Variants in GSE1 observed in about 807,000 individuals in gnomAD.
GSE1 encodes Gse1 coiled-coil protein.
A neutral mutation model predicts 112.6 loss-of-function variants in GSE1; 32 were observed. The observed-to-expected ratio is 0.28, with a 90% CI of 0.21 to 0.38. The LOEUF (loss-of-function observed/expected upper bound fraction) is 0.38. Among genes scored for constraint, GSE1 ranks in the 10% least tolerant of loss-of-function variants. The pLI is 1.00. For synonymous variants in GSE1, 1,115 were observed against 735.6 expected (o/e 1.52, Z -8.35); for missense variants, 2,348 against 1,699.2 (o/e 1.38, Z -6.71).
At chr16:85,386,202 T>G (rs907203808) in intron 2 of GSE1, among the ~76,000 whole-genome samples, 2 of 152,184 alleles carry the variant, frequency 1.3e-5, no homozygotes, top group Non-Finnish European at 2.9e-5. Flanking sequence ...GGCTCAGCAT[T>G]GTGGCCAGCA....
intron 1 of GSE1, among the ~76,000 whole-genome samples, chr16:85,286,978 C>T (rs1457509520): frequency 6.6e-6 from 1 of 152,200 alleles, no homozygotes; most frequent in Non-Finnish European, 1.5e-5. Flanking sequence ...GCGTCGGGGG[C>T]CGCGGGCTCC....
intron 1 of GSE1, among the ~76,000 whole-genome samples, chr16:85,243,923 TTGAGACCAG>T (rs1444085208): frequency 2.6e-5 from 4 of 152,144 alleles, no homozygotes; most frequent in African/African-American, 9.7e-5. Flanking sequence ...AGTCAGGAGT[TTGAGACCAG>T]CCTGGCCAAC....
chr16:85,530,407 A>C (rs866867136), intron 2 of GSE1, among the ~76,000 whole-genome samples: 2 of 152,168 alleles, frequency 1.3e-5, no homozygotes, highest in Non-Finnish European at 2.9e-5. Flanking sequence ...GATATAGGAT[A>C]CTTTGGGGAT....
intron 1 of GSE1, among the ~76,000 whole-genome samples, chr16:85,246,835 T>C (rs1252410674): frequency 6.6e-6 from 1 of 152,000 alleles, no homozygotes; most frequent in Non-Finnish European, 1.5e-5. Flanking sequence ...AAGGGGGTGC[T>C]CAGGAAATCA....
At chr16:85,272,095 G>A (rs1335701891) in intron 1 of GSE1, among the ~76,000 whole-genome samples, 6 of 152,252 alleles carry the variant, frequency 3.9e-5, no homozygotes, top group Admixed American at 3.3e-4. Flanking sequence ...CGTATCCTGC[G>A]TTCCCATCAT....
intron 1 of GSE1, among the ~76,000 whole-genome samples, chr16:85,305,196 G>A (rs550502068): frequency 1.8e-4 from 27 of 152,324 alleles, no homozygotes; most frequent in African/African-American, 6.5e-4. Context: ...GAATCACCTG[G>A]AGAGCTCTCC....
At chr16:85,335,966 G>C (rs909238308) in intron 1 of GSE1, among the ~76,000 whole-genome samples, 3 of 152,156 alleles carry the variant, frequency 2.0e-5, no homozygotes, top group Non-Finnish European at 4.4e-5. Flanking sequence ...GCTGGGGCTG[G>C]GGTCCCAGGA....
At chr16:85,251,317 G>A (rs142318539) in intron 1 of GSE1, among the ~76,000 whole-genome samples, 29 of 152,352 alleles carry the variant, frequency 1.9e-4, no homozygotes, top group African/African-American at 7.0e-4. Flanking sequence ...AAGGACTCAT[G>A]TCTGTTTTCT....
chr16:85,356,983 A>T (rs759921883), intron 1 of GSE1, among the ~76,000 whole-genome samples: 1 of 152,118 alleles, frequency 6.6e-6, no homozygotes, highest in Non-Finnish European at 1.5e-5. Flanking sequence ...TGCGGCTGAG[A>T]TGGTTTGCCC....
At chr16:85,415,977 A>G (rs780474433) in intron 2 of GSE1, among the ~76,000 whole-genome samples, 1 of 152,212 alleles carries the variant, frequency 6.6e-6, no homozygotes, top group Non-Finnish European at 1.5e-5. Context: ...GGATACATTA[A>G]ATACACTTTA....
chr16:85,607,585 G>A (rs1257239739), upstream of GSE1, among the ~76,000 whole-genome samples: 3 of 152,216 alleles, frequency 2.0e-5, 1 homozygote, highest in African/African-American at 4.8e-5. Context: ...GGAGTTAGCC[G>A]GGCCTTAACC....
At chr16:85,294,974 C>T (rs1283836764) in intron 1 of GSE1, among the ~76,000 whole-genome samples, 1 of 151,808 alleles carries the variant, frequency 6.6e-6, no homozygotes. Flanking sequence ...TGGTCTCGAA[C>T]GTCTCACCTC....
rs59825091 is a variant in GSE1, at chr16:85,479,188, ATTTTTTTTT to A, written c.2464+121562_2464+121570del. ...AGGCGCCCGCCACCATGCCCGGCTA[ATTTTTTTTT>A]TTTTTTTTTTTTTTTTAGTAGAGAC... On this transcript the variant is annotated intron_variant, in intron 2 of 2. Coordinates refer to the GSE1 transcript ENST00000637419. Among the ~76,000 whole-genome samples the A allele has an allele frequency of 1.8e-4, 15 of 82,482 alleles. 1 individual carries two copies. The highest frequency in any genetic ancestry group is 5.2e-4 in the African/African-American group (10 of 19,184). The allele number at this position is 82,482 out of a possible 152,430, so 54.1% of individuals were successfully genotyped here.
chr16:85,239,328 G>T (rs1282045858), intron 1 of GSE1, among the ~76,000 whole-genome samples: 1 of 152,212 alleles, frequency 6.6e-6, no homozygotes, highest in African/African-American at 2.4e-5. Context: ...CAAGGTGGCT[G>T]CCTCTGGGGA....
At chr16:85,301,105 C>T (rs1300631334) in intron 1 of GSE1, among the ~76,000 whole-genome samples, 2 of 152,230 alleles carry the variant, frequency 1.3e-5, no homozygotes, top group East Asian at 1.9e-4. Flanking sequence ...TTCCCCAGAC[C>T]CCCAGGCCTG....
At chr16:85,372,239 G>A (rs2047316708) in intron 2 of GSE1, among the ~76,000 whole-genome samples, 1 of 152,104 alleles carries the variant, frequency 6.6e-6, no homozygotes, top group Admixed American at 6.5e-5. Context: ...GTGCTTGTGA[G>A]ATCAAGGTGG....
intron 1 of GSE1, among the ~76,000 whole-genome samples, chr16:85,292,689 A>T (rs1236271451): frequency 6.6e-6 from 1 of 150,812 alleles, no homozygotes; most frequent in African/African-American, 2.4e-5. Context: ...CAAACTCGTG[A>T]TCTCAGGTGA....
chr16:85,667,421 G>T (rs2052958487), intron 13 of GSE1, among the ~76,000 whole-genome samples: 1 of 152,240 alleles, frequency 6.6e-6, no homozygotes, highest in Non-Finnish European at 1.5e-5. Flanking sequence ...CCATGAGACA[G>T]GGCATGCCCT....
intron 1 of GSE1, among the ~76,000 whole-genome samples, chr16:85,320,908 C>A (rs529334766): frequency 6.6e-5 from 10 of 152,246 alleles, no homozygotes; most frequent in African/African-American, 2.2e-4. Flanking sequence ...CCCGGAACAC[C>A]CAGAGCTCCC....
Sources: gnomAD v4.1 joint callset for allele counts (sites outside exome capture counted in the v4.1 genomes callset) on GRCh38, gnomAD v4.1.1 for gene constraint, MANE v1.5 for transcripts, NCBI Gene and HGNC (gene_info 2026-07-23, HGNC 2026-07-21) for gene names.